ACTR3: variants seen among roughly 807,000 people sequenced by gnomAD.
ACTR3 encodes actin related protein 3.
In ACTR3, 12 loss-of-function variants were observed where a neutral mutation model predicts 56.8. The observed-to-expected ratio is 0.21, with a 90% CI of 0.14 to 0.34. The LOEUF (loss-of-function observed/expected upper bound fraction) is 0.34. Ranked by LOEUF, ACTR3 falls within the 10% of genes least tolerant of loss-of-function variation. The pLI is 1.00. For missense variants in ACTR3, 282 were observed against 512.5 expected, an observed-to-expected ratio of 0.55 and a Z score of 4.34; for synonymous variants, 162 against 167.4, an observed-to-expected ratio of 0.97 and a Z score of 0.25.
chr2:113,897,170 C>T (rs1375899647), intron 1 of ACTR3, among the ~76,000 whole-genome samples: 1 of 152,024 alleles, frequency 6.6e-6, no homozygotes, highest in African/African-American at 2.4e-5. Flanking sequence ...TTACCAAACA[C>T]GACATTTATG....
intron 2 of ACTR3, among the ~76,000 whole-genome samples, 174 bp downstream of exon 2, chr2:113,913,401 G>A (rs1392068760): frequency 6.6e-6 from 1 of 151,966 alleles, no homozygotes; most frequent in Non-Finnish European, 1.5e-5. Flanking sequence ...ATTCATTTCA[G>A]CTTTATGTTT....
intron 8 of ACTR3, among the ~76,000 whole-genome samples, chr2:113,948,843 C>A (rs1273686743): frequency 6.6e-6 from 1 of 150,692 alleles, no homozygotes; most frequent in Non-Finnish European, 1.5e-5. Flanking sequence ...CTTTTACATC[C>A]CAATCTGAAC....
intron 8 of ACTR3, among the ~76,000 whole-genome samples, chr2:113,946,166 T>G (rs1321819677): frequency 6.6e-6 from 1 of 152,170 alleles, no homozygotes; most frequent in African/African-American, 2.4e-5. Context: ...GATTGCTGGG[T>G]TGAATATTTA....
Position 113,907,975 on chromosome 2 carries a change from C to CAAA in ACTR3, c.45-5197_45-5196insAAA, listed in dbSNP as rs1458810094. On this transcript the variant is annotated intron_variant, in intron 1 of 11. Transcript: ENST00000263238. ...GGCAACAAGAGCAAAACTCTGTCCC[C>CAAA]CAAAAAAAAAAAAAAAAAAAAAAAA... Among the ~76,000 whole-genome samples, 16 of 122,244 alleles carry CAAA rather than the reference C, an allele frequency of 1.3e-4. 1 individual carries two copies. The East Asian group carries it at 2.4e-3, about 18-fold the overall frequency. 80.2% of individuals were successfully genotyped at this position (122,244 alleles called of 152,430 possible).
chr2:113,940,932 C>T (rs111513706), intron 7 of ACTR3, among the ~76,000 whole-genome samples: 195 of 151,848 alleles, frequency 1.3e-3, no homozygotes, highest in African/African-American at 4.3e-3. Flanking sequence ...GTGATCCTCC[C>T]GCGTCAGCCT....
In ACTR3 at chr2:113,950,476, A is replaced by G. The variant is rs185506312; in HGVS notation, c.859-1003A>G. On this transcript the variant is annotated intron_variant, in intron 8 of 11. Transcript: ENST00000263238. ...GGGAATGTGCACATCAGTGGACTCA[A>G]ATTTTTGTTGCTCTACACGTGCATG... Among the ~76,000 whole-genome samples the G allele has an allele frequency of 3.3e-5, 5 of 152,318 alleles. No homozygotes were observed. In the East Asian group the frequency reaches 9.6e-4, roughly 29 times the overall value.
intron 2 of ACTR3, among the ~76,000 whole-genome samples, chr2:113,914,141 A>G (rs969598080): frequency 6.6e-6 from 1 of 152,334 alleles, no homozygotes; most frequent in Admixed American, 6.5e-5. Flanking sequence ...GGAAAAATGA[A>G]TATGTAGAGA....
intron 2 of ACTR3, among the ~76,000 whole-genome samples, chr2:113,915,957 A>G (rs1679397667): frequency 6.6e-6 from 1 of 152,216 alleles, no homozygotes; most frequent in African/African-American, 2.4e-5. Flanking sequence ...AAGCCTGTGC[A>G]AGTGGTTCAA....
intron 5 of ACTR3, among the ~76,000 whole-genome samples, 199 bp downstream of exon 5, chr2:113,931,595 T>TA (rs1343393842): frequency 6.6e-6 from 1 of 152,158 alleles, no homozygotes; most frequent in African/African-American, 2.4e-5. Flanking sequence ...AGAGAAGTGT[T>TA]AAAAAAGTAA....
At chr2:113,917,373 T>C (rs1393104255) in intron 3 of ACTR3, among the ~76,000 whole-genome samples, 2 of 152,204 alleles carry the variant, frequency 1.3e-5, no homozygotes, top group African/African-American at 4.8e-5. Flanking sequence ...TTATGCCATC[T>C]GTAAGTGCTG....
chr2:113,927,810 A>G (rs1333026654), intron 4 of ACTR3, among the ~76,000 whole-genome samples: 1 of 152,210 alleles, frequency 6.6e-6, no homozygotes, highest in African/African-American at 2.4e-5. Flanking sequence ...CAAAAATACA[A>G]TATAATCTAA....
At chr2:113,908,296 C>T (rs1318871439) in intron 1 of ACTR3, among the ~76,000 whole-genome samples, 2 of 150,556 alleles carry the variant, frequency 1.3e-5, no homozygotes, top group Admixed American at 6.6e-5. Flanking sequence ...AAACTTCTAC[C>T]ATCTACTTGT....
rs190641608 is a variant in ACTR3, at chr2:113,902,846, G to A, written c.45-10326G>A. 1.2e-3 allele frequency among the ~76,000 whole-genome samples: 182 copies of A among 152,254 alleles called. 1 individual carries two copies. The highest frequency in any genetic ancestry group is 3.7e-3 in the South Asian group (18 of 4,828). On this transcript the variant is annotated intron_variant, in intron 1 of 11. Transcript: ENST00000263238. Reference sequence around the variant, plus strand: ...AACTCCTGACCTCAGGTGATCGCCCGCCTGGGCCTCCCAAAGTGCTGGGAT... The same window carrying A: ...AACTCCTGACCTCAGGTGATCGCCCACCTGGGCCTCCCAAAGTGCTGGGAT...
At chr2:113,945,768 A>G (rs545366653) in intron 8 of ACTR3, among the ~76,000 whole-genome samples, 11 of 152,116 alleles carry the variant, frequency 7.2e-5, no homozygotes, top group African/African-American at 2.2e-4. Context: ...TCCGTTAGCT[A>G]TGTTTCCTGA....
chr2:113,899,466 G>A (rs1679062392), intron 1 of ACTR3, among the ~76,000 whole-genome samples: 1 of 152,088 alleles, frequency 6.6e-6, no homozygotes, highest in African/African-American at 2.4e-5. Flanking sequence ...AGAAAACTAA[G>A]GCATGATTTT....
At chr2:113,921,269 CTT>C (rs2104600107) in intron 3 of ACTR3, among the ~76,000 whole-genome samples, 1 of 145,240 alleles carries the variant, frequency 6.9e-6, no homozygotes, top group South Asian at 2.2e-4. Context: ...GATGTGACTT[CTT>C]TTGAGAAATG....
chr2:113,895,059 T>TCCCCCCCC (rs61667793), intron 1 of ACTR3, among the ~76,000 whole-genome samples: 223 of 111,248 alleles, frequency 2.0e-3, no homozygotes, highest in African/African-American at 3.5e-3. Flanking sequence ...TGGTTTAGGT[T>TCCCCCCCC]CCCCCCCCCC....
chr2:113,924,491 G>T (rs936185945), intron 3 of ACTR3, among the ~76,000 whole-genome samples: 4 of 152,090 alleles, frequency 2.6e-5, no homozygotes, highest in African/African-American at 9.7e-5. Context: ...CTTTCCCAAT[G>T]CTGCTATAAT....
chr2:113,952,756 A>G (rs1300270189), intron 10 of ACTR3: 2 of 152,086 alleles, frequency 1.3e-5, no homozygotes, highest in Non-Finnish European at 2.9e-5. Flanking sequence ...TGTCCCTATA[A>G]TGTCATGACT....
Sources: gnomAD v4.1 joint callset for allele counts (sites outside exome capture counted in the v4.1 genomes callset) on GRCh38, gnomAD v4.1.1 for gene constraint, MANE v1.5 for transcripts, NCBI Gene and HGNC (gene_info 2026-07-23, HGNC 2026-07-21) for gene names.